Variants in R3HDM2 observed in about 807,000 individuals in gnomAD.
The protein encoded by R3HDM2 is R3H domain containing 2.
In R3HDM2, 38 loss-of-function variants were observed where a neutral mutation model predicts 124.5. The ratio of observed to expected loss-of-function variants is 0.31; its 90% confidence interval spans 0.24 to 0.40. The LOEUF (loss-of-function observed/expected upper bound fraction) is 0.40, where lower values mean the gene tolerates loss of function less well. R3HDM2 is among the 10% of genes least tolerant of loss of function. R3HDM2 has a pLI of 1.00. For missense variants in R3HDM2, 869 were observed against 1,236.9 expected (o/e 0.70, Z 4.46); for synonymous variants, 391 against 448.0 (o/e 0.87, Z 1.61).
At chr12:57,282,797 A>C (rs1395136661) in intron 13 of R3HDM2, among the ~76,000 whole-genome samples, 2 of 152,230 alleles carry the variant, frequency 1.3e-5, no homozygotes, top group African/African-American at 4.8e-5. Flanking sequence ...AGGAGGTAAC[A>C]GAGAAGGGCA....
intron 2 of R3HDM2, among the ~76,000 whole-genome samples, chr12:57,315,925 G>T (rs1308864742): frequency 6.6e-6 from 1 of 152,190 alleles, no homozygotes; most frequent in African/African-American, 2.4e-5. Flanking sequence ...TACAAGACCA[G>T]CCTGGGCAAC....
intron 12 of R3HDM2, among the ~76,000 whole-genome samples, chr12:57,285,833 C>T (rs1402322859): frequency 6.6e-6 from 1 of 152,196 alleles, no homozygotes; most frequent in African/African-American, 2.4e-5. Flanking sequence ...TCTCTTGCTA[C>T]TAGAGGTAGA....
Position 57,395,758 on chromosome 12 carries a change from T to C in R3HDM2, c.-45A>G, listed in dbSNP as rs1158765791. ...TGTTATCTATTATTACCTGAATAAA[T>C]GCTCAGCCTCCATGAGTCCAGTGCT... On this transcript the variant is annotated 5_prime_UTR_variant, in exon 2 of 24. Transcript: ENST00000402412. 2.0e-6 allele frequency: 2 copies of C among 983,556 alleles called. No homozygotes were observed. Among genetic ancestry groups the C allele is most frequent in the Non-Finnish European group, 2.4e-6 (2 of 828,582 alleles). 60.9% of individuals were successfully genotyped at this position (983,556 alleles called of 1,614,324 possible).
intron 3 of R3HDM2, among the ~76,000 whole-genome samples, chr12:57,303,580 C>CA (rs200796987): frequency 0.059 from 5,529 of 94,418 alleles, 119 homozygotes; most frequent in African/African-American, 0.081. Context: ...CCCATCTCTA[C>CA]AAAAAAAAAA....
chr12:57,255,265 C>T, intron 23 of R3HDM2, 152 bp from the exon 24 acceptor site: 3 of 610,458 alleles, frequency 4.9e-6, no homozygotes, highest in Non-Finnish European at 8.2e-6. Flanking sequence ...TTCCCCTCCC[C>T]ACCATCCCAG....
chr12:57,349,307 G>T (rs905745673), intron 2 of R3HDM2, among the ~76,000 whole-genome samples: 1 of 145,262 alleles, frequency 6.9e-6, no homozygotes, highest in East Asian at 2.2e-4. Context: ...GTGAACCCGG[G>T]AGGCAGAGCT....
chr12:57,263,928 C>T (rs552365311), intron 19 of R3HDM2, among the ~76,000 whole-genome samples: 55 of 152,212 alleles, frequency 3.6e-4, no homozygotes, highest in Non-Finnish European at 7.1e-4. Context: ...AAAATATCTC[C>T]CTCTCACCAG....
rs57878663 is a variant in R3HDM2 at position 57,358,145 on chromosome 12, ATT to A, written c.-36+37602_-36+37603del. Among the ~76,000 whole-genome samples the A allele has an allele frequency of 1.3e-3, 187 of 146,164 alleles. 1 individual carries two copies. The highest frequency in any genetic ancestry group is 1.7e-3 in the Non-Finnish European group (112 of 66,446). ...AGGCGCGTGACGCTACGCCCAGCTA[ATT>A]TTTTTTTTTTTCTATTTTTAGTAGA... On this transcript the variant is annotated intron_variant, in intron 2 of 23. Transcript: ENST00000402412.
chr12:57,283,182 G>A (rs879730323), intron 13 of R3HDM2, among the ~76,000 whole-genome samples: 2 of 152,188 alleles, frequency 1.3e-5, no homozygotes, highest in African/African-American at 2.4e-5. Context: ...AATCTCAAGA[G>A]TCATAGAATG....
chr12:57,410,547 T>C (rs1039404058), intron 1 of R3HDM2, among the ~76,000 whole-genome samples: 2 of 152,142 alleles, frequency 1.3e-5, no homozygotes, highest in Admixed American at 1.3e-4. Flanking sequence ...TTAAGAAGTA[T>C]ATTTATTAAG....
intron 2 of R3HDM2, among the ~76,000 whole-genome samples, chr12:57,327,457 A>T (rs1245093873): frequency 7.6e-6 from 1 of 132,418 alleles, no homozygotes; most frequent in Non-Finnish European, 1.6e-5. Context: ...ACAGAGCAAG[A>T]CTCCGTCTCA....
intron 2 of R3HDM2, among the ~76,000 whole-genome samples, chr12:57,381,544 C>CAAAAA (rs66778122): frequency 1.3e-5 from 1 of 76,600 alleles, no homozygotes; most frequent in African/African-American, 4.5e-5. Context: ...GACTCCATCT[C>CAAAAA]AAAAAAAAAA....
chr12:57,333,518 C>A (rs10876973), intron 2 of R3HDM2, among the ~76,000 whole-genome samples: 2 of 151,416 alleles, frequency 1.3e-5, no homozygotes, highest in African/African-American at 4.9e-5. Context: ...GGTGAAACCC[C>A]GTCTCTACTA....
chr12:57,370,317 C>G (rs962315171), intron 2 of R3HDM2, among the ~76,000 whole-genome samples: 2 of 151,062 alleles, frequency 1.3e-5, no homozygotes, highest in Non-Finnish European at 2.9e-5. Flanking sequence ...CCTCCCCAGG[C>G]ACGCGGAACT....
In R3HDM2 at chr12:57,299,473, T is replaced by C; in HGVS notation, c.300A>G (p.Ile100Met). The C allele has an allele frequency of 6.5e-7, 1 of 1,546,358 alleles. No individual in the cohort carries two copies. Among genetic ancestry groups the C allele is most frequent in the Non-Finnish European group, 8.8e-7 (1 of 1,142,258 alleles). Residue 100 changes from isoleucine to methionine, a missense_variant, in exon 6 of 24, where the codon ATA becomes ATG. Physicochemically the swap from Ile to Met is conservative, Grantham distance 10. Transcript: ENST00000402412. ...FADGPLETQD[I>M]IQLHISCPSD... Reference sequence around the variant, plus strand: ...AAGGGCAACTGATGTGCAATTGAATTATATCCTTAAGGGGAAAAAGGATAA... The same window carrying C: ...AAGGGCAACTGATGTGCAATTGAATCATATCCTTAAGGGGAAAAAGGATAA...
intron 18 of R3HDM2, 146 bp downstream of exon 18, chr12:57,268,157 T>C (rs1346333125): frequency 2.6e-6 from 2 of 775,956 alleles, no homozygotes; most frequent in Non-Finnish European, 3.8e-6. Flanking sequence ...AAAAGGAGAA[T>C]GAACTCCCTC....
chr12:57,299,324 C>G, intron 6 of R3HDM2, 28 bp downstream of exon 6: 1 of 1,535,236 alleles, frequency 6.5e-7, no homozygotes. Flanking sequence ...TGCCCTAGAA[C>G]AGATGAGAGA....
At chr12:57,419,577 T>A (rs910785114) in intron 1 of R3HDM2, among the ~76,000 whole-genome samples, 1 of 151,868 alleles carries the variant, frequency 6.6e-6, no homozygotes, top group African/African-American at 2.4e-5. Context: ...GTAGCTGGGA[T>A]AAAAGGTGCA....
intron 14 of R3HDM2, among the ~76,000 whole-genome samples, chr12:57,278,886 T>C (rs2045477802): frequency 6.6e-6 from 1 of 152,184 alleles, no homozygotes; most frequent in Non-Finnish European, 1.5e-5. Flanking sequence ...TCTGGGGTCT[T>C]TGCACTCTAG....
Sources: gnomAD v4.1 joint callset for allele counts (sites outside exome capture counted in the v4.1 genomes callset) on GRCh38, gnomAD v4.1.1 for gene constraint, MANE v1.5 for transcripts, NCBI Gene and HGNC (gene_info 2026-07-23, HGNC 2026-07-21) for gene names.